Variants in SYN3 observed in about 807,000 individuals in gnomAD.
SYN3 encodes the protein synapsin III, also known as synapsin-3.
A neutral mutation model predicts 65.8 loss-of-function variants in SYN3; 35 were observed. The observed-to-expected ratio is 0.53, with a 90% CI of 0.41 to 0.70. The LOEUF is 0.70. SYN3 is among the 30% of genes least tolerant of loss of function. SYN3 has a pLI of 0.00. For synonymous variants in SYN3, 270 were observed against 292.9 expected (o/e 0.92, Z 0.80); for missense variants, 680 against 749.0 (o/e 0.91, Z 1.08).
intron 6 of SYN3, among the ~76,000 whole-genome samples, chr22:32,792,358 G>T (rs957840434): frequency 1.3e-5 from 2 of 152,036 alleles, no homozygotes; most frequent in Non-Finnish European, 2.9e-5. Context: ...CAACCCACTT[G>T]GTTTTACATT....
intron 4 of SYN3, among the ~76,000 whole-genome samples, chr22:32,874,733 A>G (rs1266275670): frequency 6.6e-6 from 1 of 152,198 alleles, no homozygotes; most frequent in African/African-American, 2.4e-5. Context: ...GCTGAGACCC[A>G]TCACACCCAG....
chr22:32,612,255 G>A (rs1569090420), intron 6 of SYN3, among the ~76,000 whole-genome samples: 1 of 152,174 alleles, frequency 6.6e-6, no homozygotes, highest in Non-Finnish European at 1.5e-5. Context: ...GGACTTATGC[G>A]AACTCCAACT....
intron 6 of SYN3, among the ~76,000 whole-genome samples, chr22:32,622,745 AG>A (rs765892192): frequency 1.5e-4 from 23 of 151,186 alleles, no homozygotes; most frequent in Non-Finnish European, 2.7e-4. Flanking sequence ...AAAAAAAAAA[AG>A]TTTCTCTGTA....
At chr22:32,734,513 G>GCAGGCAGGCAGACAGACAGA (rs1555941120) in intron 6 of SYN3, among the ~76,000 whole-genome samples, 46 of 151,442 alleles carry the variant, frequency 3.0e-4, no homozygotes, top group Admixed American at 2.0e-3. Flanking sequence ...AGGCAGGCAG[G>GCAGGCAGGCAGACAGACAGA]CAGACAGACA....
intron 6 of SYN3, among the ~76,000 whole-genome samples, chr22:32,849,930 A>T (rs548140876): frequency 6.6e-6 from 1 of 151,972 alleles, no homozygotes; most frequent in East Asian, 1.9e-4. Context: ...CTGAGCTCTG[A>T]CTATCTGGGA....
chr22:32,689,315 C>T (rs1282031053), intron 6 of SYN3, among the ~76,000 whole-genome samples: 1 of 152,178 alleles, frequency 6.6e-6, no homozygotes, highest in Non-Finnish European at 1.5e-5. Flanking sequence ...GTTTGAATCC[C>T]AGTTTTGCCA....
At chr22:32,726,318 T>C (rs2061192091) in intron 6 of SYN3, among the ~76,000 whole-genome samples, 1 of 152,278 alleles carries the variant, frequency 6.6e-6, no homozygotes, top group African/African-American at 2.4e-5. Context: ...AATTTTTGTA[T>C]TTTTGGTAGA....
intron 6 of SYN3, among the ~76,000 whole-genome samples, chr22:32,626,524 C>T (rs192911297): frequency 3.3e-5 from 5 of 152,142 alleles, no homozygotes; most frequent in East Asian, 3.9e-4. Context: ...AAACAAGGAC[C>T]GAGAGTAGGT....
chr22:32,638,509 C>A (rs986280138), intron 6 of SYN3, among the ~76,000 whole-genome samples: 1 of 152,030 alleles, frequency 6.6e-6, no homozygotes. Flanking sequence ...CCATTCTGAC[C>A]GATGTGAGAT....
At chr22:32,861,258 C>A in intron 6 of SYN3, 1 of 152,332 alleles carries the variant, frequency 6.6e-6, no homozygotes. Flanking sequence ...GGCAGAACCG[C>A]AGAGTGGGAA....
Position 32,759,654 on chromosome 22 carries a change from C to A in SYN3, c.711+105261G>T, listed in dbSNP as rs1253506898. 2.8e-5 allele frequency among the ~76,000 whole-genome samples: 4 copies of A among 143,398 alleles called. 1 individual carries two copies. The highest frequency in any genetic ancestry group is 6.2e-5 in the Non-Finnish European group (4 of 64,442). 94.1% of individuals were successfully genotyped at this position (143,398 alleles called of 152,430 possible). A position where few individuals can be genotyped will look rare whatever the true frequency, so the allele number is the denominator to read the frequency against. ...TCCTACCACCCCCAGCACTCACCCACCCCCAGCCAGCACCCACGGCACCCC... is the reference window on the plus strand; with the variant it reads ...TCCTACCACCCCCAGCACTCACCCAACCCCAGCCAGCACCCACGGCACCCC... On this transcript the variant is annotated intron_variant, in intron 6 of 13. Coordinates refer to ENST00000358763, the MANE Select transcript of SYN3 (RefSeq NM_003490.4).
intron 7 of SYN3, among the ~76,000 whole-genome samples, chr22:32,574,268 C>T (rs2058821463): frequency 1.3e-5 from 2 of 151,972 alleles, no homozygotes; most frequent in Admixed American, 1.3e-4. Flanking sequence ...TCGCCTGAGG[C>T]CAGGAGTGTA....
intron 3 of SYN3, among the ~76,000 whole-genome samples, chr22:32,962,824 C>A (rs1010515351): frequency 7.0e-6 from 1 of 142,378 alleles, no homozygotes. Flanking sequence ...ATCTATCTAT[C>A]TATCTATCTA....
chr22:32,587,252 G>GAA (rs2059060719), intron 7 of SYN3, among the ~76,000 whole-genome samples: 1 of 147,600 alleles, frequency 6.8e-6, no homozygotes, highest in Non-Finnish European at 1.5e-5. Flanking sequence ...AAGAGAGAGA[G>GAA]AAGCAGAGAA....
chr22:32,854,993 C>A (rs1027686192), intron 6 of SYN3, among the ~76,000 whole-genome samples: 1 of 152,128 alleles, frequency 6.6e-6, no homozygotes, highest in African/African-American at 2.4e-5. Flanking sequence ...AAATGGGAGG[C>A]ATTTAGAAGA....
intron 4 of SYN3, among the ~76,000 whole-genome samples, chr22:32,923,104 T>C (rs1186100847): frequency 6.6e-6 from 1 of 152,086 alleles, no homozygotes; most frequent in Non-Finnish European, 1.5e-5. Flanking sequence ...TGGTCTGAGT[T>C]TGAAGGCTTG....
intron 6 of SYN3, among the ~76,000 whole-genome samples, chr22:32,786,951 T>C (rs130551): frequency 0.18 from 27,626 of 152,020 alleles, 2,876 homozygotes; most frequent in East Asian, 0.35. Context: ...AGGGAGGCAG[T>C]GTTCAACACG....
chr22:32,952,430 T>C (rs1297970580), intron 3 of SYN3, among the ~76,000 whole-genome samples: 3 of 152,238 alleles, frequency 2.0e-5, no homozygotes, highest in Admixed American at 6.5e-5. Context: ...TATTAGAATA[T>C]TCAAAATTAG....
At chr22:32,940,360 A>T (rs565987334) in intron 3 of SYN3, among the ~76,000 whole-genome samples, 1 of 148,594 alleles carries the variant, frequency 6.7e-6, no homozygotes, top group East Asian at 2.0e-4. Context: ...ATGCACACAC[A>T]TATGTATATA....
Sources: allele counts gnomAD v4.1 joint callset (sites outside exome capture counted in the v4.1 genomes callset), GRCh38; gene constraint gnomAD v4.1.1; transcripts MANE v1.5; gene names NCBI Gene and HGNC (gene_info 2026-07-23, HGNC 2026-07-21).